The following GPC5 variants were observed in gnomAD, a reference collection of about 807,000 sequenced individuals.
The protein encoded by GPC5 is glypican 5, also known as glypican-5.
Under a neutral mutation model 53.9 loss-of-function variants are expected in GPC5, and 47 were observed. That is an observed-to-expected ratio of 0.87 (90% CI 0.69 to 1.11). The LOEUF is 1.11. Ranked by LOEUF, GPC5 falls within the 50% of genes most tolerant of loss-of-function variation. The pLI, the probability that GPC5 is intolerant of heterozygous loss-of-function variation, is 0.00. For synonymous variants in GPC5, 286 were observed against 263.3 expected (o/e 1.09, Z -0.84); for missense variants, 748 against 713.1 (o/e 1.05, Z -0.56).
intron 2 of GPC5, among the ~76,000 whole-genome samples, chr13:91,661,431 C>T (rs2034986056): frequency 6.6e-6 from 1 of 152,224 alleles, no homozygotes; most frequent in Non-Finnish European, 1.5e-5. Context: ...GGTGCAGCCC[C>T]TCCAGCCAGG....
At chr13:92,591,526 C>G (rs1463430171) in intron 7 of GPC5, among the ~76,000 whole-genome samples, 1 of 152,082 alleles carries the variant, frequency 6.6e-6, no homozygotes, top group East Asian at 1.9e-4. Context: ...GAAGTGTATG[C>G]TCATTGTGAA....
At chr13:92,632,040 C>T (rs1007083735) in intron 7 of GPC5, among the ~76,000 whole-genome samples, 2 of 152,088 alleles carry the variant, frequency 1.3e-5, no homozygotes, top group African/African-American at 4.8e-5. Context: ...GAAACAGTTC[C>T]CTCTAGATAG....
At chr13:91,499,026 G>C (rs1028220127) in intron 2 of GPC5, among the ~76,000 whole-genome samples, 1 of 152,068 alleles carries the variant, frequency 6.6e-6, no homozygotes, top group Non-Finnish European at 1.5e-5. Flanking sequence ...TCCATGATTA[G>C]GGATGGGGCT....
At chr13:92,550,062 T>G (rs943546525) in intron 7 of GPC5, among the ~76,000 whole-genome samples, 1 of 151,908 alleles carries the variant, frequency 6.6e-6, no homozygotes, top group Non-Finnish European at 1.5e-5. Flanking sequence ...AGAAATAAAA[T>G]AGTTTTTATT....
intron 7 of GPC5, among the ~76,000 whole-genome samples, chr13:92,827,743 T>C (rs567718287): frequency 8.5e-5 from 13 of 152,048 alleles, no homozygotes; most frequent in Non-Finnish European, 1.3e-4. Context: ...AAAGCCCTGA[T>C]TGGGAAGTCA....
At chr13:92,123,123 G>A (rs146793769) in intron 6 of GPC5, among the ~76,000 whole-genome samples, 91 of 152,202 alleles carry the variant, frequency 6.0e-4, no homozygotes, top group African/African-American at 2.1e-3. Context: ...ATTGACACTG[G>A]CTGGGTGGGG....
chr13:92,093,452 G>A (rs2041396834), intron 6 of GPC5, among the ~76,000 whole-genome samples: 1 of 151,900 alleles, frequency 6.6e-6, no homozygotes, highest in Admixed American at 6.6e-5. Context: ...AAAAATACAC[G>A]AACTCACATA....
At chr13:91,591,949 T>C (rs1045456802) in intron 2 of GPC5, among the ~76,000 whole-genome samples, 1 of 152,236 alleles carries the variant, frequency 6.6e-6, no homozygotes, top group Non-Finnish European at 1.5e-5. Context: ...TTCAGTCATT[T>C]CAGACTGGTT....
At chr13:91,426,812 C>T (rs1241489206) in intron 1 of GPC5, among the ~76,000 whole-genome samples, 1 of 152,128 alleles carries the variant, frequency 6.6e-6, no homozygotes, top group Admixed American at 6.5e-5. Context: ...TCCACTGATT[C>T]AAATGTTAAT....
chr13:92,665,242 G>A (rs1005289074), intron 7 of GPC5, among the ~76,000 whole-genome samples: 2 of 152,028 alleles, frequency 1.3e-5, no homozygotes, highest in African/African-American at 4.8e-5. Context: ...GATAATGGAG[G>A]GACAGTGTTT....
At chr13:92,179,768 T>C (rs2042133247) in intron 7 of GPC5, among the ~76,000 whole-genome samples, 1 of 152,256 alleles carries the variant, frequency 6.6e-6, no homozygotes, top group Non-Finnish European at 1.5e-5. Flanking sequence ...TATATGATCA[T>C]AGAACTTTCT....
chr13:92,206,067 A>G (rs2042332906), intron 7 of GPC5, among the ~76,000 whole-genome samples: 2 of 150,104 alleles, frequency 1.3e-5, no homozygotes, highest in African/African-American at 4.9e-5. Flanking sequence ...AAAAAAACCC[A>G]ACAACGATTC....
intron 3 of GPC5, among the ~76,000 whole-genome samples, chr13:91,715,171 C>G (rs544442929): frequency 1.3e-5 from 2 of 152,294 alleles, no homozygotes; most frequent in South Asian, 4.1e-4. Context: ...ACATGGCACA[C>G]TGTAGGGGTG....
At position 92,460,592 on chromosome 13, in the gene GPC5, G is replaced by A. The variant is rs543671689; in HGVS notation, c.1561+315603G>A. On this transcript the variant is annotated intron_variant, in intron 7 of 7. Coordinates refer to ENST00000377067, the MANE Select transcript of GPC5 (RefSeq NM_004466.6). ...TCACATTCAAGGGGCTTATGCAGTA[G>A]TCCTTGAGACCAACTAAATGCTCAG... Among the ~76,000 whole-genome samples, 5 of 152,272 alleles carry A rather than the reference G, an allele frequency of 3.3e-5. No homozygotes were observed. The South Asian group carries it at 1.0e-3, about 32-fold the overall frequency.
chr13:91,969,299 T>A (rs2040218455), intron 6 of GPC5, among the ~76,000 whole-genome samples: 1 of 152,150 alleles, frequency 6.6e-6, no homozygotes, highest in African/African-American at 2.4e-5. Context: ...ATTTCTTTGA[T>A]ACATTTTAAA....
chr13:92,287,280 A>G (rs1158985996), intron 7 of GPC5, among the ~76,000 whole-genome samples: 1 of 152,196 alleles, frequency 6.6e-6, no homozygotes, highest in Non-Finnish European at 1.5e-5. Flanking sequence ...GGATAAACAT[A>G]TGGTCTATTC....
intron 6 of GPC5, among the ~76,000 whole-genome samples, chr13:92,113,730 AT>A (rs1348641940): frequency 4.7e-5 from 7 of 149,342 alleles, no homozygotes; most frequent in African/African-American, 9.8e-5. Flanking sequence ...TGGGCATGTC[AT>A]TTTTTTTTTC....
chr13:91,750,675 T>TG (rs11448700), intron 4 of GPC5, among the ~76,000 whole-genome samples: 2 of 17,270 alleles, frequency 1.2e-4, no homozygotes. Flanking sequence ...AGGTAAGTCC[T>TG]TTTTTTTTTT....
intron 7 of GPC5, among the ~76,000 whole-genome samples, chr13:92,681,553 A>T (rs538968798): frequency 1.3e-5 from 2 of 152,256 alleles, no homozygotes; most frequent in East Asian, 1.9e-4. Context: ...AGCAAATCTT[A>T]TCATGTTGCA....
Sources: gnomAD v4.1 joint callset for allele counts (sites outside exome capture counted in the v4.1 genomes callset) on GRCh38, gnomAD v4.1.1 for gene constraint, MANE v1.5 for transcripts, NCBI Gene and HGNC (gene_info 2026-07-23, HGNC 2026-07-21) for gene names.